CDK2AP1: variants seen among roughly 807,000 people sequenced by gnomAD.
CDK2AP1 encodes cyclin dependent kinase 2 associated protein 1.
Under a neutral mutation model 14.1 loss-of-function variants are expected in CDK2AP1, and 10 were observed. The observed-to-expected ratio is 0.71, with a 90% CI of 0.44 to 1.20. CDK2AP1 has a LOEUF of 1.20. Among genes scored for constraint, CDK2AP1 ranks in the 50% most tolerant of loss-of-function variants. The pLI is 0.00. For synonymous variants in CDK2AP1, 59 were observed against 59.8 expected (o/e 0.99, Z 0.06); for missense variants, 102 against 149.9 (o/e 0.68, Z 1.67).
In CDK2AP1 at chr12:123,261,676, G is replaced by T; in HGVS notation, c.*60C>A. 2 of 1,380,828 alleles carry T rather than the reference G, an allele frequency of 1.4e-6. No individual in the cohort carries two copies. The highest frequency in any genetic ancestry group is 2.1e-6 in the Non-Finnish European group (2 of 966,984). 85.5% of individuals were successfully genotyped at this position (1,380,828 alleles called of 1,614,324 possible). ...ACAAGGGTTTCATCTGAACAGGGGA[G>T]ATGAACTGTAACTTCTCATCTTGTA... On this transcript the variant is annotated 3_prime_UTR_variant, in exon 4 of 4. Transcript: ENST00000261692.
rs527800446 is a variant in CDK2AP1 at position 123,261,539 on chromosome 12, A to G, written c.*197T>C. The stretch of plus-strand genomic sequence containing the variant: ...AAAAAAACCTGGGCAGTTCCTAACT[A>G]CTTAAAATGCAAATCCTAATTAACT... On this transcript the variant is annotated 3_prime_UTR_variant, in exon 4 of 4. Transcript: ENST00000261692. 81 of 528,760 alleles carry G rather than the reference A, an allele frequency of 1.5e-4. No individual in the cohort carries two copies. Among genetic ancestry groups the G allele is most frequent in the African/African-American group, 8.1e-4 (42 of 51,888 alleles). 32.8% of individuals were successfully genotyped at this position (528,760 alleles called of 1,614,324 possible).
intron 2 of CDK2AP1, among the ~76,000 whole-genome samples, chr12:123,266,027 C>T (rs1445174342): frequency 6.6e-6 from 1 of 152,182 alleles, no homozygotes; most frequent in Non-Finnish European, 1.5e-5. Context: ...CCACAGCAAG[C>T]ACCCGGATCA....
intron 1 of CDK2AP1, chr12:123,270,330 G>T: frequency 1.4e-5 from 3 of 218,052 alleles, no homozygotes; most frequent in Non-Finnish European, 2.3e-5. Context: ...ACCCTTTCCT[G>T]CCCCTACACC....
At chr12:123,263,431 C>T (rs2048254566) in intron 3 of CDK2AP1, among the ~76,000 whole-genome samples, 1 of 152,164 alleles carries the variant, frequency 6.6e-6, no homozygotes. Flanking sequence ...AGTTTGTACG[C>T]ATTTGCTGAC....
At position 123,265,346 on chromosome 12, in the gene CDK2AP1, C is replaced by T; in HGVS notation, c.154-24G>A. 6.2e-7 allele frequency: 1 copy of T among 1,613,636 alleles called. No homozygotes were observed. Among genetic ancestry groups the T allele is most frequent in the Non-Finnish European group, 8.5e-7 (1 of 1,179,684 alleles). The stretch of plus-strand genomic sequence containing the variant: ...CCCTAGAATCAGAAAGAAATGGGTT[C>T]AGCAAAATCAGCCGGGCGTGGTGGT... On this transcript the variant is annotated intron_variant, in intron 2 of 3. Transcript: ENST00000261692. This position sits in a 1 kb window ranked among gnomAD's most constrained non-coding sequence, Gnocchi z 5.3.
chr12:123,262,746 A>G (rs576627940), intron 3 of CDK2AP1, among the ~76,000 whole-genome samples: 2 of 152,208 alleles, frequency 1.3e-5, no homozygotes, highest in South Asian at 4.1e-4. Context: ...TGGCTGTTTT[A>G]TCATTATTTG....
rs572857592 is a variant in CDK2AP1 at position 123,267,176 on chromosome 12, T to C, written c.153+9A>G. ...CCCTCCCACCATGCCATCACCCCCA[T>C]TGACATACCTGGGTGTAGCCTAGGG... On this transcript the variant is annotated intron_variant, in intron 2 of 3. Transcript: ENST00000261692. 31 of 1,525,472 alleles carry C rather than the reference T, an allele frequency of 2.0e-5. No individual in the cohort carries two copies. The highest frequency in any genetic ancestry group is 1.0e-4 in the South Asian group (9 of 89,234). The allele number at this position is 1,525,472 out of a possible 1,614,324, so 94.5% of individuals were successfully genotyped here.
chr12:123,266,688 G>C (rs1022144955), intron 2 of CDK2AP1, among the ~76,000 whole-genome samples: 2 of 152,228 alleles, frequency 1.3e-5, no homozygotes, highest in African/African-American at 2.4e-5. Flanking sequence ...AGTCTGGAAA[G>C]TGGTGGAACC....
chr12:123,267,045 C>T (rs568792093), intron 2 of CDK2AP1, 140 bp downstream of exon 2: 13 of 659,476 alleles, frequency 2.0e-5, no homozygotes, highest in East Asian at 8.2e-5. Flanking sequence ...TGAGCAGGAG[C>T]GCAGCCAGGG....
chr12:123,261,655 G>A lies in CDK2AP1; in HGVS notation c.*81C>T, dbSNP rs1387233780. ...GAAACTGTAACCATTTTGAAAACAA[G>A]GGTTTCATCTGAACAGGGGAGATGA... is the stretch of plus-strand genomic sequence containing the variant. On this transcript the variant is annotated 3_prime_UTR_variant, in exon 4 of 4. Transcript: ENST00000261692. 1.6e-5 allele frequency: 19 copies of A among 1,152,546 alleles called. No individual in the cohort carries two copies. In the Admixed American group the frequency reaches 3.1e-4, roughly 19 times the overall value. 71.4% of individuals were successfully genotyped at this position (1,152,546 alleles called of 1,614,324 possible). A position where few individuals can be genotyped will look rare whatever the true frequency, so the allele number is the denominator to read the frequency against.
intron 1 of CDK2AP1, 75 bp downstream of exon 1, chr12:123,271,489 A>AT: frequency 2.4e-6 from 2 of 833,462 alleles, no homozygotes; most frequent in Non-Finnish European, 2.9e-6. Flanking sequence ...CGCCCCGGGC[A>AT]TCCCCGGGCC....
chr12:123,270,608 C>T (rs1281622133), intron 1 of CDK2AP1, among the ~76,000 whole-genome samples: 2 of 152,156 alleles, frequency 1.3e-5, no homozygotes, highest in Non-Finnish European at 2.9e-5. Flanking sequence ...ACCTACGAAT[C>T]CCTCAATGTT....
Position 123,265,683 on chromosome 12 carries a change from G to A in CDK2AP1, c.154-361C>T, listed in dbSNP as rs1461247389. Reference sequence around the variant, plus strand: ...GGGACAACTACAAGTTAGGGAGATGGTCCTCACCCTCCTATCCTCACACAC... The same window carrying A: ...GGGACAACTACAAGTTAGGGAGATGATCCTCACCCTCCTATCCTCACACAC... On this transcript the variant is annotated intron_variant, in intron 2 of 3. Transcript: ENST00000261692. This position sits in a 1 kb window ranked among gnomAD's most constrained non-coding sequence, Gnocchi z 5.3. 6.6e-6 allele frequency among the ~76,000 whole-genome samples: 1 copy of A among 152,100 alleles called. No homozygotes were observed. The highest frequency in any genetic ancestry group is 1.5e-5 in the Non-Finnish European group (1 of 68,018).
rs2048276328 is a variant in CDK2AP1, at chr12:123,265,107, G to C, written c.280+89C>G. 6.4e-7 allele frequency: 1 copy of C among 1,552,690 alleles called. No individual in the cohort carries two copies. Reference sequence around the variant, plus strand: ...CTCCCATGAGTGAGCCTCATCCCTAGCCCACCTTCCCACATTTTCCCCAAA... The same window carrying C: ...CTCCCATGAGTGAGCCTCATCCCTACCCCACCTTCCCACATTTTCCCCAAA... On this transcript the variant is annotated intron_variant, in intron 3 of 3. Transcript: ENST00000261692. This position sits in a 1 kb window ranked among gnomAD's most constrained non-coding sequence, Gnocchi z 5.3.
chr12:123,271,495 G>A (rs963027592), intron 1 of CDK2AP1, 69 bp downstream of exon 1: 1 of 910,242 alleles, frequency 1.1e-6, no homozygotes, highest in Non-Finnish European at 1.3e-6. Flanking sequence ...GGGCATCCCC[G>A]GGCCGGGGCC....
intron 1 of CDK2AP1, chr12:123,270,275 C>G (rs1031642792): frequency 1.3e-6 from 1 of 743,652 alleles, no homozygotes; most frequent in Non-Finnish European, 1.6e-6. Context: ...GGACTCCGAG[C>G]CCACAAGTGA....
chr12:123,271,700 G>A lies in CDK2AP1; in HGVS notation c.-82C>T, dbSNP rs2048355142. On this transcript the variant is annotated 5_prime_UTR_variant, in exon 1 of 4. Transcript: ENST00000261692. Reference sequence around the variant, plus strand: ...GGCGGCGGCGAGGCCGGGCGGTAGCGCTGCAGCCCCGCGCCCGTCCGAGCG... The same window carrying A: ...GGCGGCGGCGAGGCCGGGCGGTAGCACTGCAGCCCCGCGCCCGTCCGAGCG... 2.2e-6 allele frequency: 1 copy of A among 447,238 alleles called. No individual in the cohort carries two copies. Among genetic ancestry groups the A allele is most frequent in the Non-Finnish European group, 2.9e-6 (1 of 341,258 alleles). 27.7% of individuals were successfully genotyped at this position (447,238 alleles called of 1,614,324 possible). A position where few individuals can be genotyped will look rare whatever the true frequency, so the allele number is the denominator to read the frequency against.
Position 123,271,506 on chromosome 12 carries a change from G to T in CDK2AP1, c.55+58C>A, listed in dbSNP as rs555616094. 9 of 960,228 alleles carry T rather than the reference G, an allele frequency of 9.4e-6. No individual in the cohort carries two copies. The African/African-American group carries it at 1.4e-4, about 15-fold the overall frequency. 59.5% of individuals were successfully genotyped at this position (960,228 alleles called of 1,614,324 possible). A position where few individuals can be genotyped will look rare whatever the true frequency, so the allele number is the denominator to read the frequency against. ...CCCCGGGCATCCCCGGGCCGGGGCCGGGCGCGCGGACCCCCAACTTGGCGG... is the reference window on the plus strand; with the variant it reads ...CCCCGGGCATCCCCGGGCCGGGGCCTGGCGCGCGGACCCCCAACTTGGCGG... On this transcript the variant is annotated intron_variant, in intron 1 of 3. Transcript: ENST00000261692.
chr12:123,267,396 A>T, intron 1 of CDK2AP1, 114 bp from the exon 2 acceptor site: 1 of 703,784 alleles, frequency 1.4e-6, no homozygotes, highest in Non-Finnish European at 2.6e-6. Flanking sequence ...CTGTAGCAGG[A>T]TGGAGAACCC....
Sources: allele counts gnomAD v4.1 joint callset (sites outside exome capture counted in the v4.1 genomes callset), GRCh38; gene constraint gnomAD v4.1.1; non-coding constraint Gnocchi (gnomAD v3.1); transcripts MANE v1.5; gene names NCBI Gene and HGNC (gene_info 2026-07-23, HGNC 2026-07-21).